Variants in NCOA6 observed in about 807,000 individuals in gnomAD.
NCOA6 encodes the protein NRC RAP250.
In NCOA6, 49 loss-of-function variants were observed where a neutral mutation model predicts 171.4. That is an observed-to-expected ratio of 0.29 (90% CI 0.23 to 0.36). NCOA6 has a LOEUF of 0.36. NCOA6 is among the 10% of genes least tolerant of loss of function. The pLI is 1.00. For synonymous variants in NCOA6, 910 were observed against 927.5 expected, an observed-to-expected ratio of 0.98 and a Z score of 0.34; for missense variants, 2,248 against 2,554.5, an observed-to-expected ratio of 0.88 and a Z score of 2.59.
chr20:34,774,445 C>A (rs1248982170), intron 4 of NCOA6, among the ~76,000 whole-genome samples: 1 of 152,218 alleles, frequency 6.6e-6, no homozygotes, highest in Non-Finnish European at 1.5e-5. Flanking sequence ...TGAAAATTAT[C>A]CCATTTCTCA....
chr20:34,774,550 C>T (rs1600963810), intron 4 of NCOA6, among the ~76,000 whole-genome samples: 1 of 152,198 alleles, frequency 6.6e-6, no homozygotes, highest in Admixed American at 6.5e-5. Context: ...AAATGTGTCT[C>T]ACTCCTATAA....
At chr20:34,809,369 A>C (rs1568888492) in intron 1 of NCOA6, 1 of 397,724 alleles carries the variant, frequency 2.5e-6, no homozygotes, top group Non-Finnish European at 4.4e-6. Context: ...TTTAAAAAGT[A>C]AAGTCTATTT....
At chr20:34,767,958 G>C (rs2077030995) in intron 5 of NCOA6, among the ~76,000 whole-genome samples, 1 of 152,046 alleles carries the variant, frequency 6.6e-6, no homozygotes, top group Non-Finnish European at 1.5e-5. Flanking sequence ...TTCAATCTCT[G>C]AAGAAGAAAT....
At chr20:34,762,937 TTCCAATGCTTCCTGGCC>T (rs2076861260) in intron 5 of NCOA6, among the ~76,000 whole-genome samples, 1 of 152,218 alleles carries the variant, frequency 6.6e-6, no homozygotes, top group African/African-American at 2.4e-5. Flanking sequence ...GAAAAAATTA[TTCCAATGCTTCCTGGCC>T]TCCAATGCTG....
chr20:34,776,250 G>T (rs766325976), intron 4 of NCOA6, 43 bp downstream of exon 4: 1 of 1,594,938 alleles, frequency 6.3e-7, no homozygotes, highest in Admixed American at 1.7e-5. Context: ...TTCTACTGTT[G>T]TAATGATTCT....
intron 7 of NCOA6, among the ~76,000 whole-genome samples, chr20:34,756,897 A>G (rs769167808): frequency 6.6e-6 from 1 of 152,234 alleles, no homozygotes; most frequent in Admixed American, 6.5e-5. Context: ...AGAAGTTTAA[A>G]TTGTTAACAA....
intron 2 of NCOA6, 84 bp from the exon 3 acceptor site, chr20:34,782,488 AATTT>A (rs1013229470): frequency 2.9e-5 from 10 of 349,342 alleles, no homozygotes; most frequent in East Asian, 1.3e-4. Context: ...TGAAAATTAT[AATTT>A]ATTTAATAAG....
intron 14 of NCOA6, 134 bp downstream of exon 14, chr20:34,727,125 G>A (rs1990051367): frequency 2.9e-6 from 3 of 1,036,754 alleles, no homozygotes; most frequent in Middle Eastern, 2.8e-4. Context: ...GGACCAAACA[G>A]GTAGTAGAAG....
At position 34,740,622 on chromosome 20, in the gene NCOA6, G is replaced by C; in HGVS notation, c.5634C>G (p.Thr1878=). The change falls in exon 11 of 15, where the codon ACC becomes ACG. Residue 1878 remains threonine (T), a synonymous_variant. Coordinates refer to ENST00000359003, the MANE Select transcript of NCOA6 (RefSeq NM_014071.5). ...GCAGAGTGGGTGCTGGGGGCGTTGG[G>C]GTTTTACTGTCCAGCTCTGTGGATA... is the stretch of plus-strand genomic sequence containing the variant. The part of the protein sequence containing the change: ...EQLSTELDSK[T]PTPPAPTLLK... 6.2e-7 allele frequency: 1 copy of C among 1,614,190 alleles called. No homozygotes were observed. Among genetic ancestry groups the C allele is most frequent in the Admixed American group, 1.7e-5 (1 of 60,022 alleles).
At chr20:34,776,492 C>T in intron 3 of NCOA6, 44 bp from the exon 4 acceptor site, 1 of 1,599,042 alleles carries the variant, frequency 6.3e-7, no homozygotes. Context: ...ATCTTTTAGC[C>T]ACCAGAGGAG....
chr20:34,734,815 G>C (rs1342589384), intron 12 of NCOA6, among the ~76,000 whole-genome samples: 1 of 151,950 alleles, frequency 6.6e-6, no homozygotes, highest in African/African-American at 2.4e-5. Context: ...ACGACAGCCA[G>C]CTAATTTTGT....
chr20:34,766,546 G>A (rs916364891), intron 5 of NCOA6, among the ~76,000 whole-genome samples: 2 of 152,036 alleles, frequency 1.3e-5, no homozygotes, highest in African/African-American at 2.4e-5. Context: ...AGGAACACTT[G>A]ACCCTGTCTC....
intron 8 of NCOA6, among the ~76,000 whole-genome samples, chr20:34,752,202 A>T (rs1380972992): frequency 6.6e-6 from 1 of 152,124 alleles, no homozygotes; most frequent in Non-Finnish European, 1.5e-5. Flanking sequence ...CCTACAATGA[A>T]GTTATGAAGC....
intron 12 of NCOA6, among the ~76,000 whole-genome samples, chr20:34,735,593 G>A (rs926984797): frequency 1.2e-4 from 18 of 151,164 alleles, no homozygotes; most frequent in South Asian, 4.2e-4. Context: ...GCAGTGAGCC[G>A]AGATTGCGCC....
At chr20:34,734,154 TC>T (rs2075874064) in intron 12 of NCOA6, among the ~76,000 whole-genome samples, 1 of 152,040 alleles carries the variant, frequency 6.6e-6, no homozygotes, top group Non-Finnish European at 1.5e-5. Flanking sequence ...AACCCCCACC[TC>T]CAGGGTTCAA....
chr20:34,789,870 T>A (rs903188506), intron 2 of NCOA6, among the ~76,000 whole-genome samples: 2 of 152,102 alleles, frequency 1.3e-5, no homozygotes, highest in African/African-American at 4.8e-5. Flanking sequence ...TAAAATAATA[T>A]TCTTCACGGC....
chr20:34,819,453 A>G (rs1457631647), intron 1 of NCOA6: 1 of 152,344 alleles, frequency 6.6e-6, no homozygotes, highest in East Asian at 1.9e-4. Context: ...ATACTTATAC[A>G]GGTCAAATCC....
rs2076590312 is a variant in NCOA6, at chr20:34,754,631, A to T, written c.1675+91T>A. 4 of 1,475,110 alleles carry T rather than the reference A, an allele frequency of 2.7e-6. No homozygotes were observed. In the Admixed American group the frequency reaches 7.3e-5, roughly 27 times the overall value. 91.4% of individuals were successfully genotyped at this position (1,475,110 alleles called of 1,614,324 possible). A position where few individuals can be genotyped will look rare whatever the true frequency, so the allele number is the denominator to read the frequency against. ...CTTGAAATTAAGGGGAGAGACCAAG[A>T]CTTATTACTTATCTGTATACTCCTG... On this transcript the variant is annotated intron_variant, in intron 8 of 14. Transcript: ENST00000359003.
intron 4 of NCOA6, among the ~76,000 whole-genome samples, chr20:34,770,304 C>T (rs1004663287): frequency 2.6e-5 from 4 of 152,118 alleles, no homozygotes; most frequent in Non-Finnish European, 5.9e-5. Flanking sequence ...GGATTACAGG[C>T]GTGAGCCACC....
Sources: allele counts gnomAD v4.1 joint callset (sites outside exome capture counted in the v4.1 genomes callset), GRCh38; gene constraint gnomAD v4.1.1; transcripts MANE v1.5; gene names NCBI Gene and HGNC (gene_info 2026-07-23, HGNC 2026-07-21).